ASF1B: variants seen among roughly 807,000 people sequenced by gnomAD.
ASF1B encodes the protein anti-silencing function 1B histone chaperone, also known as histone chaperone ASF1B.
Under a neutral mutation model 16.6 loss-of-function variants are expected in ASF1B, and 10 were observed. The ratio of observed to expected loss-of-function variants is 0.60; its 90% CI spans 0.37 to 1.02. The LOEUF is 1.02. ASF1B is among the 50% of genes least tolerant of loss of function. The pLI is 0.01. For missense variants in ASF1B, 240 were observed against 266.0 expected (o/e 0.90, Z 0.68); for synonymous variants, 101 against 106.2 (o/e 0.95, Z 0.30).
At chr19:14,127,328 G>A (rs1399453334) in intron 1 of ASF1B, among the ~76,000 whole-genome samples, 1 of 152,224 alleles carries the variant, frequency 6.6e-6, no homozygotes, top group Non-Finnish European at 1.5e-5. Context: ...AGAGCCACGT[G>A]ACACAGACGT....
chr19:14,126,226 T>C lies in ASF1B; in HGVS notation c.121A>G (p.Lys41Glu). 1 of 1,612,302 alleles carries C rather than the reference T, an allele frequency of 6.2e-7. No individual in the cohort carries two copies. The change falls in exon 2 of 4, where the codon AAG (lysine) becomes GAG (glutamate). Residue 41 changes from lysine to glutamate, a missense_variant. Transcript: ENST00000263382. The part of the protein sequence containing the change: ...SEALADDLEW[K>E]IIYVGSAESE... ...TCAGCCGAGCCAACATAAATGATCT[T>C]CCACTCCAGGTCTGCAAAGATATAG...
chr19:14,123,378 CTTTTTTT>C lies in ASF1B; in HGVS notation c.226-1677_226-1671del, dbSNP rs74181857. On this transcript the variant is annotated intron_variant, in intron 2 of 3. Transcript: ENST00000263382. The stretch of plus-strand genomic sequence containing the variant: ...AATCTCCATTTGTTTTTTCTTTCTT[CTTTTTTT>C]TTTTTTTTTTTTTTGAGATGGAGTC... Among the ~76,000 whole-genome samples, 30 of 119,786 alleles carry C rather than the reference CTTTTTTT, an allele frequency of 2.5e-4. No homozygotes were observed. The South Asian group carries it at 2.5e-3, about 10-fold the overall frequency. 78.6% of individuals were successfully genotyped at this position (119,786 alleles called of 152,430 possible).
At chr19:14,135,066 A>T (rs558610868) in intron 1 of ASF1B, among the ~76,000 whole-genome samples, 6 of 152,032 alleles carry the variant, frequency 3.9e-5, no homozygotes, top group African/African-American at 1.4e-4. Flanking sequence ...TCCACTAAAA[A>T]TACTAAAATT....
intron 1 of ASF1B, among the ~76,000 whole-genome samples, chr19:14,130,811 A>AT (rs1967392543): frequency 2.7e-5 from 4 of 148,592 alleles, no homozygotes; most frequent in Non-Finnish European, 4.4e-5. Flanking sequence ...ATATATATAT[A>AT]AATGATAAGA....
chr19:14,120,468 G>C lies in ASF1B; in HGVS notation c.600C>G (p.Asp200Glu), dbSNP rs1185342536. 6.2e-7 allele frequency: 1 copy of C among 1,612,664 alleles called. No homozygotes were observed. The highest frequency in any genetic ancestry group is 8.5e-7 in the Non-Finnish European group (1 of 1,179,450). The change falls in exon 4 of 4, where the codon GAC (aspartate) becomes GAG (glutamate). Residue 200 changes from aspartate (D) to glutamate (E), a missense_variant. Asp to Glu is a conservative substitution (Grantham distance 45). Transcript: ENST00000263382. ...CTCTGGGTTCCTGCAGTTAGATGCA[G>C]TCCATGGAGTTCTCAGGGAGGAGGC... ...IPGLLPENSMDCI is the reference protein window; with the variant it reads ...IPGLLPENSMECI
chr19:14,120,681 G>T lies in ASF1B; in HGVS notation c.403-16C>A. 2 of 1,613,518 alleles carry T rather than the reference G, an allele frequency of 1.2e-6. No individual in the cohort carries two copies. Among genetic ancestry groups the T allele is most frequent in the Admixed American group, 1.7e-5 (1 of 59,980 alleles). The stretch of plus-strand genomic sequence containing the variant: ...TCCGCTGGAGCTGGGGCAGGAAGAG[G>T]AACGTCAACCCTTGTAGGTACGCCC... On this transcript the variant is annotated splice_polypyrimidine_tract_variant and intron_variant, in intron 3 of 3. Coordinates refer to ENST00000263382, the MANE Select transcript of ASF1B (RefSeq NM_018154.3).
At chr19:14,126,605 G>A (rs547697892) in intron 1 of ASF1B, among the ~76,000 whole-genome samples, 5 of 152,258 alleles carry the variant, frequency 3.3e-5, no homozygotes, top group African/African-American at 9.6e-5. Flanking sequence ...CTGAGTAGCT[G>A]GAATTACAGG....
In ASF1B at chr19:14,120,619, T is replaced by C. The variant is rs151302500; in HGVS notation, c.449A>G (p.His150Arg). 6.3e-5 allele frequency: 101 copies of C among 1,613,916 alleles called. No homozygotes were observed. Among genetic ancestry groups the C allele is most frequent in the African/African-American group, 2.7e-5 (2 of 74,870 alleles). Reference protein sequence around the residue: ...LASNPRVTRFHINWDNNMDRL... With the variant: ...LASNPRVTRFRINWDNNMDRL... ...GTCCATGTTGTTGTCCCAGTTGATA[T>C]GGAAGCGGGTCACCCGGGGGTTCGA... The change falls in exon 4 of 4, where the codon CAT becomes CGT. Residue 150 changes from histidine (H) to arginine (R), a missense_variant. Transcript: ENST00000263382.
intron 1 of ASF1B, among the ~76,000 whole-genome samples, chr19:14,127,493 G>A (rs577846003): frequency 1.3e-5 from 2 of 152,174 alleles, no homozygotes; most frequent in Admixed American, 6.5e-5. Context: ...ATTCCAATCC[G>A]GCAGGAGAGC....
chr19:14,124,097 TGA>T (rs929495949), intron 2 of ASF1B, among the ~76,000 whole-genome samples: 4 of 152,034 alleles, frequency 2.6e-5, no homozygotes, highest in Non-Finnish European at 4.4e-5. Context: ...TGGCCTCAAG[TGA>T]GTCTTCTGCT....
In ASF1B at chr19:14,121,608, A is replaced by C; in HGVS notation, c.326T>G (p.Val109Gly). ...CTYHGQEFIR[V>G]GYYVNNEYLN... Reference sequence around the variant, plus strand: ...GTACTCGTTGTTGACGTAGTAGCCCACTCGGATGAACTCCTGTCCATGGTA... The same window carrying C: ...GTACTCGTTGTTGACGTAGTAGCCCCCTCGGATGAACTCCTGTCCATGGTA... Residue 109 changes from valine (V) to glycine (G), a missense_variant, in exon 3 of 4, where the codon GTG becomes GGG. Transcript: ENST00000263382. 6.2e-7 allele frequency: 1 copy of C among 1,613,666 alleles called. No homozygotes were observed. The highest frequency in any genetic ancestry group is 8.5e-7 in the Non-Finnish European group (1 of 1,179,936).
Position 14,121,687 on chromosome 19 carries a change from G to C in ASF1B, c.247C>G (p.Leu83Val), listed in dbSNP as rs150093898. 139 of 1,613,796 alleles carry C rather than the reference G, an allele frequency of 8.6e-5. 1 individual carries two copies. Among genetic ancestry groups the C allele is most frequent in the South Asian group, 1.4e-4 (13 of 91,070 alleles). The change falls in exon 3 of 4, where the codon CTC (leucine) becomes GTC (valine). Residue 83 changes from leucine to valine, a missense_variant. Transcript: ENST00000263382. ...VFQADAPNPSLIPETDAVGVT... is the reference protein window; with the variant it reads ...VFQADAPNPSVIPETDAVGVT... ...CCCACGGCATCAGTCTCTGGGATGA[G>C]GGATGGGTTGGGGGCGTCGGCCTAG...
In ASF1B at chr19:14,136,580, A is replaced by G; in HGVS notation, c.-124T>C. On this transcript the variant is annotated 5_prime_UTR_variant, in exon 1 of 4. Transcript: ENST00000263382. ...CCACTCCCGCCTCTTCTCTCCGAGA[A>G]CTGAAGTGCGCACCTAGTCCGCGCG... 2 of 719,880 alleles carry G rather than the reference A, an allele frequency of 2.8e-6. No homozygotes were observed. The highest frequency in any genetic ancestry group is 2.9e-5 in the East Asian group (1 of 35,018). 44.6% of individuals were successfully genotyped at this position (719,880 alleles called of 1,614,324 possible).
intron 2 of ASF1B, among the ~76,000 whole-genome samples, chr19:14,125,451 T>C (rs1318284301): frequency 3.9e-5 from 6 of 152,228 alleles, no homozygotes. Context: ...TGTAAATCAG[T>C]GGCAGCTTTG....
In ASF1B at chr19:14,136,366, T is replaced by G. The variant is rs987240361; in HGVS notation, c.91A>C (p.Ser31Arg). The stretch of plus-strand genomic sequence containing the variant: ...GCCTCACCGTCCGCCAGGGCTTCAC[T>G]GCACTCGAAGCTGATCTCGAACCGG... ...PFRFEISFEC[S>R]EALADDLEWK... Residue 31 changes from serine (S) to arginine (R), a missense_variant, in exon 1 of 4, where the codon AGT (serine) becomes CGT (arginine). By Grantham distance (110) the Ser-to-Arg change is moderately radical. Transcript: ENST00000263382. The G allele has an allele frequency of 6.2e-7, 1 of 1,613,156 alleles. No homozygotes were observed. Among genetic ancestry groups the G allele is most frequent in the Non-Finnish European group, 8.5e-7 (1 of 1,179,354 alleles).
chr19:14,133,335 T>C (rs1967434933), intron 1 of ASF1B, among the ~76,000 whole-genome samples: 1 of 152,090 alleles, frequency 6.6e-6, no homozygotes, highest in South Asian at 2.1e-4. Flanking sequence ...ACAAACTGGC[T>C]GTGTGACTCT....
At chr19:14,122,420 C>T (rs981904996) in intron 2 of ASF1B, among the ~76,000 whole-genome samples, 1 of 151,524 alleles carries the variant, frequency 6.6e-6, no homozygotes, top group Non-Finnish European at 1.5e-5. Context: ...GGCTGGAGTG[C>T]AATGGCGCCA....
chr19:14,126,056 G>T, intron 2 of ASF1B, 66 bp downstream of exon 2: 2 of 1,291,690 alleles, frequency 1.5e-6, no homozygotes, highest in Non-Finnish European at 2.1e-6. Flanking sequence ...CACTCTGTGG[G>T]ATTTCAGGTA....
chr19:14,122,221 G>A (rs1438538013), intron 2 of ASF1B, among the ~76,000 whole-genome samples: 1 of 151,898 alleles, frequency 6.6e-6, no homozygotes, highest in Non-Finnish European at 1.5e-5. Context: ...GTGAGCCACT[G>A]CGCCCAGCCT....
Sources: gnomAD v4.1 joint callset for allele counts (sites outside exome capture counted in the v4.1 genomes callset) on GRCh38, gnomAD v4.1.1 for gene constraint, MANE v1.5 for transcripts, NCBI Gene and HGNC (gene_info 2026-07-23, HGNC 2026-07-21) for gene names.